Variants in FOXO1 observed in about 807,000 individuals in gnomAD.
The protein encoded by FOXO1 is forkhead box protein O1.
Under a neutral mutation model 44.1 loss-of-function variants are expected in FOXO1, and 6 were observed. The observed-to-expected ratio is 0.14, with a 90% CI of 0.07 to 0.27. The LOEUF is 0.27. FOXO1 is among the 10% of genes least tolerant of loss of function. The pLI is 1.00. For synonymous variants in FOXO1, 380 were observed against 362.7 expected, an observed-to-expected ratio of 1.05 and a Z score of -0.54; for missense variants, 737 against 888.8, an observed-to-expected ratio of 0.83 and a Z score of 2.17.
intron 1 of FOXO1, among the ~76,000 whole-genome samples, chr13:40,575,387 C>G (rs564979954): frequency 6.6e-5 from 10 of 152,230 alleles, no homozygotes; most frequent in Non-Finnish European, 1.2e-4. Context: ...CCAGTTCATC[C>G]TGCCCAAGTC....
intron 1 of FOXO1, among the ~76,000 whole-genome samples, chr13:40,624,855 A>G (rs1243966617): frequency 6.6e-6 from 1 of 152,232 alleles, no homozygotes; most frequent in Non-Finnish European, 1.5e-5. Context: ...TTTTATGTAT[A>G]TAACACAGAA....
At chr13:40,631,594 A>T (rs1254090714) in intron 1 of FOXO1, among the ~76,000 whole-genome samples, 1 of 152,264 alleles carries the variant, frequency 6.6e-6, no homozygotes, top group Non-Finnish European at 1.5e-5. Context: ...AATGTGATAT[A>T]TACATAGAAT....
intron 1 of FOXO1, among the ~76,000 whole-genome samples, chr13:40,599,396 C>T (rs932498502): frequency 6.6e-6 from 1 of 152,176 alleles, no homozygotes; most frequent in African/African-American, 2.4e-5. Flanking sequence ...TTAAGCCTCA[C>T]CACAGCCTTA....
At chr13:40,586,064 A>G (rs1003324769) in intron 1 of FOXO1, among the ~76,000 whole-genome samples, 2 of 152,212 alleles carry the variant, frequency 1.3e-5, no homozygotes, top group African/African-American at 4.8e-5. Context: ...GGCTGCTGCC[A>G]TGACACAAAG....
Position 40,560,070 on chromosome 13 carries a change from T to A in FOXO1, c.1421A>T (p.Asn474Ile). The A allele has an allele frequency of 6.2e-7, 1 of 1,614,120 alleles. No individual in the cohort carries two copies. Residue 474 changes from asparagine to isoleucine, a missense_variant, in exon 2 of 3, where the codon AAT (asparagine) becomes ATT (isoleucine). By Grantham distance (149) the Asn-to-Ile change is moderately radical. Transcript: ENST00000379561. The surrounding 1 kb of genome is among the most constrained non-coding windows in gnomAD (Gnocchi z 5.1). Reference sequence around the variant, plus strand: ...AGGATCAACTGGTGTCATAATGTCATTATGGGGAGGAGAGTCAGAAGTCAG... The same window carrying A: ...AGGATCAACTGGTGTCATAATGTCAATATGGGGAGGAGAGTCAGAAGTCAG... ...ELLTSDSPPH[N>I]DIMTPVDPGV...
intron 1 of FOXO1, among the ~76,000 whole-genome samples, chr13:40,580,657 A>C (rs1466660654): frequency 3.9e-5 from 6 of 152,216 alleles, no homozygotes; most frequent in Admixed American, 3.9e-4. Flanking sequence ...CAAGCAAGGC[A>C]CACCTCATCT....
At chr13:40,611,686 G>A (rs1437204897) in intron 1 of FOXO1, among the ~76,000 whole-genome samples, 1 of 152,170 alleles carries the variant, frequency 6.6e-6, no homozygotes, top group Non-Finnish European at 1.5e-5. Flanking sequence ...CTGTGTTTGG[G>A]AGAGAGGACG....
At chr13:40,608,665 C>A (rs764938741) in intron 1 of FOXO1, among the ~76,000 whole-genome samples, 5 of 152,104 alleles carry the variant, frequency 3.3e-5, no homozygotes, top group Admixed American at 1.3e-4. Flanking sequence ...TTATTGATTT[C>A]TCCAGGCTAT....
chr13:40,600,668 G>A (rs1282170536), intron 1 of FOXO1, among the ~76,000 whole-genome samples: 2 of 152,164 alleles, frequency 1.3e-5, no homozygotes, highest in African/African-American at 4.8e-5. Flanking sequence ...GTAAATTACT[G>A]TTTGGGTAGA....
intron 1 of FOXO1, among the ~76,000 whole-genome samples, chr13:40,648,478 TTTC>T (rs909497352): frequency 1.3e-5 from 2 of 152,214 alleles, no homozygotes; most frequent in African/African-American, 4.8e-5. Flanking sequence ...TTGTTAGCAT[TTTC>T]TTATTATTGT....
At position 40,665,595 on chromosome 13, in the gene FOXO1, C is replaced by G. The variant is rs199900378; in HGVS notation, c.618G>C (p.Ser206=). The G allele has an allele frequency of 5.0e-5, 71 of 1,431,202 alleles. No individual in the cohort carries two copies. The highest frequency in any genetic ancestry group is 5.6e-6 in the Non-Finnish European group (6 of 1,075,600). 88.7% of individuals were successfully genotyped at this position (1,431,202 alleles called of 1,614,324 possible). The change falls in exon 1 of 3, where the codon TCG becomes TCC. Residue 206 remains serine, a synonymous_variant. Coordinates refer to ENST00000379561, the MANE Select transcript of FOXO1 (RefSeq NM_002015.4). ...CGAGTCCACTCACCTTCCAGCCCGC[C>G]GAGCTGTTGCTGTCACCCTTATCCT... The part of the protein sequence containing the change: ...YFKDKGDSNS[S]AGWKNSIRHN...
chr13:40,642,482 T>TAC lies in FOXO1; in HGVS notation c.630+23099_630+23100dup, dbSNP rs1304611084. ...CAGTTTCAGTGGAAATTTACATCTA[T>TAC]ACATCCAGACTATCAGATGACAGAT... On this transcript the variant is annotated intron_variant, in intron 1 of 2. Coordinates refer to ENST00000379561, the MANE Select transcript of FOXO1 (RefSeq NM_002015.4). Among the ~76,000 whole-genome samples, 3 of 152,256 alleles carry TAC rather than the reference T, an allele frequency of 2.0e-5. No individual in the cohort carries two copies. In the East Asian group the frequency reaches 5.8e-4, roughly 29 times the overall value.
chr13:40,618,657 GCA>G (rs1876504582), intron 1 of FOXO1: 1 of 376,860 alleles, frequency 2.7e-6, no homozygotes, highest in African/African-American at 2.1e-5. Flanking sequence ...CTCCAAAAAG[GCA>G]CAAACAATTG....
intron 1 of FOXO1, among the ~76,000 whole-genome samples, chr13:40,612,463 CTT>C (rs1491059222): frequency 6.6e-6 from 1 of 152,208 alleles, no homozygotes; most frequent in Non-Finnish European, 1.5e-5. Context: ...ACAGAAGAGA[CTT>C]GTGTGTGTGT....
intron 1 of FOXO1, among the ~76,000 whole-genome samples, chr13:40,577,399 C>T (rs1439727528): frequency 6.6e-6 from 1 of 152,176 alleles, no homozygotes; most frequent in East Asian, 1.9e-4. Flanking sequence ...CTGTTACAAA[C>T]CAAGTGTGTG....
At chr13:40,595,421 T>C (rs2137871374) in intron 1 of FOXO1, among the ~76,000 whole-genome samples, 1 of 152,190 alleles carries the variant, frequency 6.6e-6, no homozygotes, top group Non-Finnish European at 1.5e-5. Flanking sequence ...TGTCTGGGGG[T>C]GGGCCTGAGA....
intron 1 of FOXO1, among the ~76,000 whole-genome samples, chr13:40,585,972 G>A (rs1425619412): frequency 6.6e-6 from 1 of 152,170 alleles, no homozygotes; most frequent in African/African-American, 2.4e-5. Context: ...TCAAGTGACT[G>A]ACCTGTGAAC....
chr13:40,587,324 A>C (rs1354169793), intron 1 of FOXO1, among the ~76,000 whole-genome samples: 2 of 152,010 alleles, frequency 1.3e-5, no homozygotes, highest in Non-Finnish European at 2.9e-5. Flanking sequence ...CCACAATAAG[A>C]AGCAAATACG....
chr13:40,556,660 G>A lies in FOXO1; in HGVS notation c.*2389C>T, dbSNP rs927600691. The A allele has an allele frequency of 2.0e-5, 3 of 152,272 alleles. No individual in the cohort carries two copies. Among genetic ancestry groups the A allele is most frequent in the African/African-American group, 7.2e-5 (3 of 41,400 alleles). 9.4% of individuals were successfully genotyped at this position (152,272 alleles called of 1,614,324 possible). A position where few individuals can be genotyped will look rare whatever the true frequency, so the allele number is the denominator to read the frequency against. Reference sequence around the variant, plus strand: ...TTCACTGTTCTCAGAGAGCTACCAAGGATTCATGACAGGATTTCAACACAC... The same window carrying A: ...TTCACTGTTCTCAGAGAGCTACCAAAGATTCATGACAGGATTTCAACACAC... On this transcript the variant is annotated 3_prime_UTR_variant, in exon 3 of 3. Transcript: ENST00000379561.
Sources: allele counts gnomAD v4.1 joint callset (sites outside exome capture counted in the v4.1 genomes callset), GRCh38; gene constraint gnomAD v4.1.1; non-coding constraint Gnocchi (gnomAD v3.1); transcripts MANE v1.5; gene names NCBI Gene and HGNC (gene_info 2026-07-23, HGNC 2026-07-21).